Variants in ZBTB4 observed in about 807,000 individuals in gnomAD.
ZBTB4 encodes the protein zinc finger and BTB domain containing 4, also known as zinc finger and BTB domain-containing protein 4.
Under a neutral mutation model 59.8 loss-of-function variants are expected in ZBTB4, and 14 were observed. The ratio of observed to expected loss-of-function variants is 0.23; its 90% CI spans 0.15 to 0.37. The LOEUF is 0.37. Ranked by LOEUF, ZBTB4 falls within the 10% of genes least tolerant of loss-of-function variation. The pLI, the probability that ZBTB4 is intolerant of heterozygous loss-of-function variation, is 1.00. For missense variants in ZBTB4, 1,198 were observed against 1,380.8 expected, an observed-to-expected ratio of 0.87 and a Z score of 2.10; for synonymous variants, 587 against 575.2, an observed-to-expected ratio of 1.02 and a Z score of -0.29.
rs1300015306 is a variant in ZBTB4 at position 7,463,651 on chromosome 17, T to C, written c.1331A>G (p.Asn444Ser). 6.2e-7 allele frequency: 1 copy of C among 1,612,814 alleles called. No homozygotes were observed. The highest frequency in any genetic ancestry group is 1.3e-5 in the African/African-American group (1 of 74,910). The change falls in exon 4 of 4, where the codon AAC becomes AGC. Residue 444 changes from asparagine (N) to serine (S), a missense_variant. Asn to Ser is a conservative substitution (Grantham distance 46). Transcript: ENST00000380599. ...TGGCATTGCCACAGGGGCCGGTGTGTTGAGGGTTGGAGAAAGGGGAGCCTC... is the reference window on the plus strand; with the variant it reads ...TGGCATTGCCACAGGGGCCGGTGTGCTGAGGGTTGGAGAAAGGGGAGCCTC... ...APEAPLSPTL[N>S]TPAPVAMPAS... is the part of the protein sequence containing the mutation.
chr17:7,481,309 A>G (rs8081271), upstream of ZBTB4: 432,780 of 734,290 alleles, frequency 0.59, 129,348 homozygotes, highest in East Asian at 0.66. Context: ...CAGCCTGGAT[A>G]ACAAGAGTGG....
chr17:7,482,183 C>T, upstream of ZBTB4: 2 of 1,614,092 alleles, frequency 1.2e-6, no homozygotes, highest in Non-Finnish European at 1.7e-6. Context: ...GGCTTCCAAC[C>T]TGCCCTCGCT....
chr17:7,476,680 G>A (rs1380434544), intron 1 of ZBTB4, among the ~76,000 whole-genome samples: 1 of 152,132 alleles, frequency 6.6e-6, no homozygotes, highest in South Asian at 2.1e-4. Flanking sequence ...GGATGAGAAC[G>A]ATCATTCCTT....
Position 7,465,814 on chromosome 17 carries a change from C to T in ZBTB4, c.988G>A (p.Val330Ile). Residue 330 changes from valine (V) to isoleucine (I), a missense_variant, in exon 3 of 4, where the codon GTA becomes ATA. Around this residue, in one of 9 missense-constraint regions of ZBTB4, gnomAD observed 11 missense variants for 57.5 expected, o/e 0.19. Transcript: ENST00000380599. ...TLSSLKRHSN[V>I]HSWRRKYPCR... ...GGGTACTTCCTCCGCCACGAGTGTA[C>T]ATTGCTGTGTCTCTTCAGACTGGAC... 6.2e-7 allele frequency: 1 copy of T among 1,614,244 alleles called. No individual in the cohort carries two copies. The highest frequency in any genetic ancestry group is 8.5e-7 in the Non-Finnish European group (1 of 1,180,050).
rs747426046 is a variant in ZBTB4, at chr17:7,459,482, G to A, written c.*2458C>T. 3 of 152,554 alleles carry A rather than the reference G, an allele frequency of 2.0e-5. No homozygotes were observed. Among genetic ancestry groups the A allele is most frequent in the Non-Finnish European group, 2.9e-5 (2 of 68,034 alleles). 9.5% of individuals were successfully genotyped at this position (152,554 alleles called of 1,614,324 possible). ...TAAATCTGGGTCCTCACTACGTATA[G>A]AGCTAGTCTGTAGAATTCTAAATTT... On this transcript the variant is annotated 3_prime_UTR_variant, in exon 4 of 4. Transcript: ENST00000380599.
At chr17:7,477,533 G>T (rs756347535) in intron 1 of ZBTB4, among the ~76,000 whole-genome samples, 1 of 152,160 alleles carries the variant, frequency 6.6e-6, no homozygotes, top group African/African-American at 2.4e-5. Context: ...CAGTGGGGCC[G>T]GGCACAGTAG....
chr17:7,465,867 G>T lies in ZBTB4; in HGVS notation c.935C>A (p.Ala312Glu), dbSNP rs749358442. The stretch of plus-strand genomic sequence containing the variant: ...GGTCACGTAGGAACGCTCGCAGGCC[G>T]CGCACACATACAGCACGTGGCCGCC... The part of the protein sequence containing the change: ...VVGGHVLYVC[A>E]ACERSYVTLS... Residue 312 changes from alanine (A) to glutamate (E), a missense_variant, in exon 3 of 4, where the codon GCG (alanine) becomes GAG (glutamate). Ala to Glu is a moderately radical substitution (Grantham distance 107). Transcript: ENST00000380599. The T allele has an allele frequency of 1.9e-6, 3 of 1,614,046 alleles. No homozygotes were observed. Among genetic ancestry groups the T allele is most frequent in the African/African-American group, 1.3e-5 (1 of 74,948 alleles).
chr17:7,465,587 T>C (rs2150853855), intron 3 of ZBTB4, 124 bp downstream of exon 3: 3 of 1,425,458 alleles, frequency 2.1e-6, no homozygotes, highest in East Asian at 5.0e-5. Flanking sequence ...GTGCTGGGAT[T>C]ACTGCAGCTA....
intron 1 of ZBTB4, among the ~76,000 whole-genome samples, chr17:7,476,101 C>T (rs942611932): frequency 3.3e-5 from 5 of 152,202 alleles, no homozygotes; most frequent in African/African-American, 1.2e-4. Context: ...TTAACACTCA[C>T]GTGGTCCAAG....
At position 7,465,969 on chromosome 17, in the gene ZBTB4, G is replaced by A; in HGVS notation, c.833C>T (p.Pro278Leu). The A allele has an allele frequency of 6.2e-7, 1 of 1,601,650 alleles. No homozygotes were observed. The highest frequency in any genetic ancestry group is 1.1e-5 in the South Asian group (1 of 90,362). ...LGAGGAGPGG[P>L]AGVDASALPP... ...CAGGGCTGAGGCGTCCACCCCTGCA[G>A]GACCACCAGGGCCAGCGCCCCCAGC... The change falls in exon 3 of 4, where the codon CCT becomes CTT. Residue 278 changes from proline to leucine, a missense_variant. Physicochemically the swap from Pro to Leu is moderately conservative, Grantham distance 98. Transcript: ENST00000380599.
At chr17:7,464,328 T>C (rs2070079711) in intron 3 of ZBTB4, among the ~76,000 whole-genome samples, 1 of 136,594 alleles carries the variant, frequency 7.3e-6, no homozygotes, top group South Asian at 2.6e-4. Flanking sequence ...AAAGAGGCCC[T>C]AACAAACCTC....
At chr17:7,478,097 C>A (rs2070294029) in intron 1 of ZBTB4, among the ~76,000 whole-genome samples, 1 of 152,134 alleles carries the variant, frequency 6.6e-6, no homozygotes, top group Admixed American at 6.5e-5. Flanking sequence ...CGGCTGGCCT[C>A]TTGGGTCTGA....
intron 1 of ZBTB4, among the ~76,000 whole-genome samples, chr17:7,471,956 A>G (rs1432048043): frequency 1.3e-5 from 2 of 152,212 alleles, no homozygotes; most frequent in East Asian, 3.9e-4. Flanking sequence ...GTGACCTCAG[A>G]TGTGCCACTG....
rs2070127739 is a variant in ZBTB4 at position 7,466,515 on chromosome 17, G to A, written c.287C>T (p.Ser96Phe). ...AGAAGAAGAAGCAGAGGAGGAAGAAGAGGAAGAAGACGAGGAAGAGGAGGA... is the reference window on the plus strand; with the variant it reads ...AGAAGAAGAAGCAGAGGAGGAAGAAAAGGAAGAAGACGAGGAAGAGGAGGA... ...SSSSSSSSSS[S>F]SSSSASSSSS... The change falls in exon 3 of 4, where the codon TCT becomes TTT. Residue 96 changes from serine to phenylalanine, a missense_variant. Coordinates refer to ENST00000380599, the MANE Select transcript of ZBTB4 (RefSeq NM_001128833.2). This position sits in a 1 kb window ranked among gnomAD's most constrained non-coding sequence, Gnocchi z 9.1. 1.2e-6 allele frequency: 2 copies of A among 1,610,706 alleles called. No individual in the cohort carries two copies. The highest frequency in any genetic ancestry group is 1.7e-5 in the Admixed American group (1 of 59,168).
intron 3 of ZBTB4, among the ~76,000 whole-genome samples, chr17:7,465,010 G>T (rs910521570): frequency 4.0e-5 from 6 of 150,608 alleles, no homozygotes; most frequent in African/African-American, 1.5e-4. Context: ...CAAAAAATTA[G>T]CCGGGCGTGA....
chr17:7,465,915 G>A lies in ZBTB4; in HGVS notation c.887C>T (p.Pro296Leu), dbSNP rs780981607. The change falls in exon 3 of 4, where the codon CCC becomes CTC. Residue 296 changes from proline to leucine, a missense_variant. Transcript: ENST00000380599. ...LPPPVGFRGG[P>L]EHVVKVVGGH... ...GCCCACCACCTTCACCACGTGCTCG[G>A]GGCCCCCTCGGAAGCCCACTGGTGG... 1 of 1,611,162 alleles carries A rather than the reference G, an allele frequency of 6.2e-7. No individual in the cohort carries two copies.
chr17:7,463,238 C>T lies in ZBTB4; in HGVS notation c.1744G>A (p.Gly582Arg). ...AKPVGGIGGGGGPPTGAGRGP... is the reference protein window; with the variant it reads ...AKPVGGIGGGRGPPTGAGRGP... Reference sequence around the variant, plus strand: ...CGGCCAGCCCCTGTGGGGGGACCCCCACCTCCACCAATCCCGCCCACTGGC... The same window carrying T: ...CGGCCAGCCCCTGTGGGGGGACCCCTACCTCCACCAATCCCGCCCACTGGC... Residue 582 changes from glycine to arginine, a missense_variant, in exon 4 of 4, where the codon GGG becomes AGG. Physicochemically the swap from Gly to Arg is moderately radical, Grantham distance 125. Transcript: ENST00000380599. 1 of 1,611,542 alleles carries T rather than the reference C, an allele frequency of 6.2e-7. No homozygotes were observed. Among genetic ancestry groups the T allele is most frequent in the Non-Finnish European group, 8.5e-7 (1 of 1,179,424 alleles).
Position 7,462,611 on chromosome 17 carries a change from G to A in ZBTB4, c.2371C>T (p.Arg791Trp), listed in dbSNP as rs764822732. 59 of 1,609,404 alleles carry A rather than the reference G, an allele frequency of 3.7e-5. No individual in the cohort carries two copies. Among genetic ancestry groups the A allele is most frequent in the Admixed American group, 1.3e-4 (8 of 59,726 alleles). ...SRHGQRHAAE[R>W]PGGTPTPVIA... ...ACAGGGGTTGGGGTGCCCCCGGGCC[G>A]CTCAGCAGCATGCCTCTGCCCGTGG... is the stretch of plus-strand genomic sequence containing the variant. Residue 791 changes from arginine (R) to tryptophan (W), a missense_variant, in exon 4 of 4, where the codon CGG becomes TGG. By Grantham distance (101) the Arg-to-Trp change is moderately radical (BLOSUM62 -3). Around this residue, in one of 9 missense-constraint regions of ZBTB4, gnomAD observed 550 missense variants for 541.8 expected, o/e 1.02. Transcript: ENST00000380599. This position sits in a 1 kb window ranked among gnomAD's most constrained non-coding sequence, Gnocchi z 7.5.
chr17:7,477,505 C>T (rs1480728741), intron 1 of ZBTB4, among the ~76,000 whole-genome samples: 1 of 152,202 alleles, frequency 6.6e-6, no homozygotes, highest in Non-Finnish European at 1.5e-5. Context: ...TCCCTTCCCC[C>T]ACGTACACAC....
Sources: gnomAD v4.1 joint callset for allele counts (sites outside exome capture counted in the v4.1 genomes callset) on GRCh38, gnomAD v4.1.1 for gene constraint, gnomAD v4.1.1 regional missense constraint, Gnocchi (gnomAD v3.1) non-coding constraint, MANE v1.5 for transcripts, NCBI Gene and HGNC (gene_info 2026-07-23, HGNC 2026-07-21) for gene names.